The following CILK1 variants were observed in gnomAD, a reference collection of about 807,000 sequenced individuals.
CILK1 encodes the protein serine/threonine-protein kinase ICK.
CILK1 carries 47 observed loss-of-function variants against 79.2 expected under a neutral mutation model. That is an observed-to-expected ratio of 0.59 (90% CI 0.47 to 0.76). The LOEUF is 0.76. Ranked by LOEUF, CILK1 falls within the 30% of genes least tolerant of loss-of-function variation. CILK1 has a pLI of 0.00. For synonymous variants in CILK1, 266 were observed against 275.9 expected, an observed-to-expected ratio of 0.96 and a Z score of 0.36; for missense variants, 660 against 769.5, an observed-to-expected ratio of 0.86 and a Z score of 1.68.
At position 53,003,298 on chromosome 6, in the gene CILK1, G is replaced by A. The variant is rs1271187934; in HGVS notation, c.*1851C>T. On this transcript the variant is annotated 3_prime_UTR_variant, in exon 14 of 14. Transcript: ENST00000676107. Reference sequence around the variant, plus strand: ...TTCTCCAAAGCATAAATTACTCTCCGATTTTAGGTTAGGGCCCTTTGGAAG... The same window carrying A: ...TTCTCCAAAGCATAAATTACTCTCCAATTTTAGGTTAGGGCCCTTTGGAAG... 6.6e-6 allele frequency: 1 copy of A among 152,294 alleles called. No individual in the cohort carries two copies. Among genetic ancestry groups the A allele is most frequent in the Non-Finnish European group, 1.5e-5 (1 of 68,024 alleles). The allele number at this position is 152,294 out of a possible 1,614,324, so 9.4% of individuals were successfully genotyped here. A position where few individuals can be genotyped will look rare whatever the true frequency, so the allele number is the denominator to read the frequency against.
rs891800145 is a variant in CILK1 at position 53,055,726 on chromosome 6, G to A, written c.-173+5870C>T. Among the ~76,000 whole-genome samples, 330 of 152,122 alleles carry A rather than the reference G, an allele frequency of 2.2e-3. 7 individuals carry two copies. The highest frequency in any genetic ancestry group is 2.6e-4 in the Non-Finnish European group (18 of 68,014). On this transcript the variant is annotated intron_variant, in intron 1 of 13. Coordinates refer to ENST00000676107, the MANE Select transcript of CILK1 (RefSeq NM_014920.5). ...TGAGAAGCTTCCATAACTCCCTGTCGCTTCTCTTACAATATAAAAGGTGCT... is the reference window on the plus strand; with the variant it reads ...TGAGAAGCTTCCATAACTCCCTGTCACTTCTCTTACAATATAAAAGGTGCT...
In CILK1 at chr6:53,009,474, GAAGATTTT is replaced by G; in HGVS notation, c.1578_1585del (p.Lys527ArgfsTer20). On this transcript the variant is annotated frameshift_variant, in exon 12 of 14. Transcript: ENST00000676107. LOFTEE classifies it high-confidence loss of function. ...TTTGCTGATTACTGACATTGTCCCT[GAAGATTTT>G]CCAGACAAGCCAGAACTAGACCATG... is the stretch of plus-strand genomic sequence containing the variant. The G allele has an allele frequency of 6.2e-7, 1 of 1,614,062 alleles. No homozygotes were observed. Among genetic ancestry groups the G allele is most frequent in the Non-Finnish European group, 8.5e-7 (1 of 1,179,902 alleles).
At chr6:53,020,868 A>C (rs769517878) in intron 5 of CILK1, among the ~76,000 whole-genome samples, 18 of 152,200 alleles carry the variant, frequency 1.2e-4, no homozygotes, top group Non-Finnish European at 2.1e-4. Context: ...CAGCAACTGG[A>C]TGTCACTATC....
intron 2 of CILK1, among the ~76,000 whole-genome samples, chr6:53,040,040 A>G (rs1766598709): frequency 6.6e-6 from 1 of 152,186 alleles, no homozygotes; most frequent in Non-Finnish European, 1.5e-5. Flanking sequence ...GAAGAAACAA[A>G]TTTGGGGTAA....
At position 53,031,200 on chromosome 6, in the gene CILK1, T is replaced by C. The variant is rs41305912; in HGVS notation, c.279-56A>G. The C allele has an allele frequency of 0.018, 18,727 of 1,065,958 alleles. 298 individuals are homozygous for C. Among genetic ancestry groups the C allele is most frequent in the East Asian group, 0.061 (2,583 of 42,300 alleles). The allele number at this position is 1,065,958 out of a possible 1,614,324, so 66.0% of individuals were successfully genotyped here. A position where few individuals can be genotyped will look rare whatever the true frequency, so the allele number is the denominator to read the frequency against. On this transcript the variant is annotated intron_variant, in intron 4 of 13. Coordinates refer to ENST00000676107, the MANE Select transcript of CILK1 (RefSeq NM_014920.5). ...AATCAAAGGCCAGATCCTTTGATAA[T>C]AAATACTAAAGAATACCATTTGTCC...
At chr6:53,017,313 A>C (rs1764949671) in intron 7 of CILK1, among the ~76,000 whole-genome samples, 1 of 152,220 alleles carries the variant, frequency 6.6e-6, no homozygotes, top group South Asian at 2.1e-4. Context: ...CTAGGAAACA[A>C]CTATGTACGC....
rs1175945576 is a variant in CILK1 at position 53,013,668 on chromosome 6, T to C, written c.1146A>G (p.Pro382=). ...GTGAATCTGGGCTGCTCACCGACTGTGGATGCTTGTTGTGGAGGGATGGGA... is the reference window on the plus strand; with the variant it reads ...GTGAATCTGGGCTGCTCACCGACTGCGGATGCTTGTTGTGGAGGGATGGGA... ...LLFPSLHNKH[P]QSKITAGLEH... is the part of the protein sequence containing the mutation. Residue 382 remains proline (P), a synonymous_variant, in exon 9 of 14, where the codon CCA becomes CCG. Transcript: ENST00000676107. The C allele has an allele frequency of 2.5e-6, 4 of 1,613,964 alleles. No individual in the cohort carries two copies. The highest frequency in any genetic ancestry group is 1.1e-5 in the South Asian group (1 of 91,082).
At chr6:53,028,923 G>A (rs1765749927) in intron 5 of CILK1, among the ~76,000 whole-genome samples, 1 of 151,858 alleles carries the variant, frequency 6.6e-6, no homozygotes, top group Admixed American at 6.6e-5. Context: ...CATGTGTCTT[G>A]GGGTGCTTAT....
chr6:53,057,373 G>C (rs1767977376), intron 1 of CILK1, among the ~76,000 whole-genome samples: 1 of 152,150 alleles, frequency 6.6e-6, no homozygotes, highest in Non-Finnish European at 1.5e-5. Context: ...GGCTACTAAG[G>C]GTTCTTGACA....
At chr6:53,036,617 T>C (rs1766355562) in intron 3 of CILK1, among the ~76,000 whole-genome samples, 2 of 152,144 alleles carry the variant, frequency 1.3e-5, no homozygotes, top group Non-Finnish European at 1.5e-5. Flanking sequence ...GCTTTCACCA[T>C]GTTGGCCAGG....
Position 53,005,192 on chromosome 6 carries a change from T to C in CILK1, c.1856A>G (p.His619Arg), listed in dbSNP as rs1165253136. 1.2e-6 allele frequency: 2 copies of C among 1,614,222 alleles called. No homozygotes were observed. Among genetic ancestry groups the C allele is most frequent in the Admixed American group, 1.7e-5 (1 of 60,028 alleles). The change falls in exon 14 of 14, where the codon CAT becomes CGT. Residue 619 changes from histidine to arginine, a missense_variant. Coordinates refer to ENST00000676107, the MANE Select transcript of CILK1 (RefSeq NM_014920.5). ...CTTGGAAGCCCAGTCTGTCCGGCCATGCACTGGCTGGGCGGCTGGAGGCCG... is the reference window on the plus strand; with the variant it reads ...CTTGGAAGCCCAGTCTGTCCGGCCACGCACTGGCTGGGCGGCTGGAGGCCG... ...IPRPPAAQPV[H>R]GRTDWASKYA...
At chr6:53,011,726 TTTC>T (rs761363767) in intron 11 of CILK1, 40 bp downstream of exon 11, 2 of 1,579,750 alleles carry the variant, frequency 1.3e-6, no homozygotes, top group Admixed American at 1.7e-5. Context: ...AAGGACAGGG[TTTC>T]TTATTAATAA....
chr6:53,012,104 AATCCAAGTC>A lies in CILK1; in HGVS notation c.1267_1275del (p.Asp423_Asp425del), dbSNP rs1403044636. On this transcript the variant is annotated inframe_deletion, in exon 10 of 14. Coordinates refer to ENST00000676107, the MANE Select transcript of CILK1 (RefSeq NM_014920.5). ...TCAATCCTGCTGAGGGATGGACTGA[AATCCAAGTC>A]ATCCAAGTCAGCCCAATCATCTGAA... 1 of 1,614,174 alleles carries A rather than the reference AATCCAAGTC, an allele frequency of 6.2e-7. No homozygotes were observed. The highest frequency in any genetic ancestry group is 8.5e-7 in the Non-Finnish European group (1 of 1,180,020).
At position 53,003,784 on chromosome 6, in the gene CILK1, C is replaced by A. The variant is rs1283366445; in HGVS notation, c.*1365G>T. 1 of 152,450 alleles carries A rather than the reference C, an allele frequency of 6.6e-6. No individual in the cohort carries two copies. Among genetic ancestry groups the A allele is most frequent in the East Asian group, 1.9e-4 (1 of 5,196 alleles). 9.4% of individuals were successfully genotyped at this position (152,450 alleles called of 1,614,324 possible). On this transcript the variant is annotated 3_prime_UTR_variant, in exon 14 of 14. Coordinates refer to ENST00000676107, the MANE Select transcript of CILK1 (RefSeq NM_014920.5). The stretch of plus-strand genomic sequence containing the variant: ...GTTCAATTTGTCATTATCCTGGAAC[C>A]AATAGAGAGTAGTTTGAGCCCTAGG...
At chr6:53,037,086 AAAAG>A (rs1766390333) in intron 3 of CILK1, among the ~76,000 whole-genome samples, 1 of 152,172 alleles carries the variant, frequency 6.6e-6, no homozygotes, top group Non-Finnish European at 1.5e-5. Flanking sequence ...CCTTTGGAGA[AAAAG>A]AAAGGGTGTT....
rs1763986247 is a variant in CILK1 at position 53,002,452 on chromosome 6, A to C, written c.*2697T>G. 2 of 152,218 alleles carry C rather than the reference A, an allele frequency of 1.3e-5. No homozygotes were observed. 9.4% of individuals were successfully genotyped at this position (152,218 alleles called of 1,614,324 possible). On this transcript the variant is annotated 3_prime_UTR_variant, in exon 14 of 14. Coordinates refer to ENST00000676107, the MANE Select transcript of CILK1 (RefSeq NM_014920.5). Reference sequence around the variant, plus strand: ...TTACATTTCATAATTGTATAGTAACAAAAAATAGAGGTAACAAGTAGCATT... The same window carrying C: ...TTACATTTCATAATTGTATAGTAACCAAAAATAGAGGTAACAAGTAGCATT...
chr6:53,040,490 C>A (rs2127451260), intron 2 of CILK1, among the ~76,000 whole-genome samples: 2 of 152,356 alleles, frequency 1.3e-5, no homozygotes, highest in East Asian at 3.9e-4. Context: ...GATCAACTCA[C>A]AATCACAAAA....
chr6:53,059,719 G>A (rs1394922157), intron 1 of CILK1, among the ~76,000 whole-genome samples: 1 of 152,224 alleles, frequency 6.6e-6, no homozygotes, highest in Non-Finnish European at 1.5e-5. Flanking sequence ...GATAGGCCTT[G>A]AGAAGTCAGG....
chr6:53,059,955 G>A (rs955095411), intron 1 of CILK1, among the ~76,000 whole-genome samples: 2 of 152,156 alleles, frequency 1.3e-5, no homozygotes, highest in African/African-American at 4.8e-5. Flanking sequence ...GTGGAAGAGT[G>A]AGGACTAGAT....
Sources: allele counts gnomAD v4.1 joint callset (sites outside exome capture counted in the v4.1 genomes callset), GRCh38; gene constraint gnomAD v4.1.1; transcripts MANE v1.5; gene names NCBI Gene and HGNC (gene_info 2026-07-23, HGNC 2026-07-21).